GNG7: variants seen among roughly 807,000 people sequenced by gnomAD.
GNG7 encodes the protein guanine nucleotide-binding protein G(I)/G(S)/G(O) subunit gamma-7.
A neutral mutation model predicts 4.0 loss-of-function variants in GNG7; 1 was observed. The ratio of observed to expected loss-of-function variants is 0.25; its 90% CI spans 0.09 to 1.18. The LOEUF is 1.18. GNG7 is among the 50% of genes most tolerant of loss of function. The pLI is 0.50. For missense variants in GNG7, 86 were observed against 91.9 expected, an observed-to-expected ratio of 0.94 and a Z score of 0.26; for synonymous variants, 34 against 36.9, an observed-to-expected ratio of 0.92 and a Z score of 0.29.
intron 2 of GNG7, among the ~76,000 whole-genome samples, chr19:2,592,696 C>T (rs1029699607): frequency 8.4e-5 from 12 of 142,804 alleles, no homozygotes; most frequent in African/African-American, 2.3e-4. Context: ...ATGATTGCAT[C>T]GTTTCACTCC....
intron 2 of GNG7, among the ~76,000 whole-genome samples, chr19:2,565,185 C>A (rs1472071562): frequency 6.6e-6 from 1 of 152,134 alleles, no homozygotes; most frequent in African/African-American, 2.4e-5. Flanking sequence ...ACACGTGCAA[C>A]CCTCACACAA....
intron 1 of GNG7, among the ~76,000 whole-genome samples, chr19:2,650,645 G>A: frequency 6.6e-6 from 1 of 152,196 alleles, no homozygotes; most frequent in East Asian, 1.9e-4. Flanking sequence ...CGGCCTCAGA[G>A]CAGCTTGGGT....
At chr19:2,565,801 CA>C (rs558747537) in intron 2 of GNG7, among the ~76,000 whole-genome samples, 62 of 152,174 alleles carry the variant, frequency 4.1e-4, no homozygotes, top group Non-Finnish European at 8.1e-4. Flanking sequence ...GAAGCGTCTG[CA>C]GAGTGTAATG....
intron 1 of GNG7, among the ~76,000 whole-genome samples, chr19:2,680,435 C>G (rs1269984375): frequency 6.6e-6 from 1 of 152,078 alleles, no homozygotes; most frequent in Non-Finnish European, 1.5e-5. Flanking sequence ...CAGGCATGAG[C>G]CACCTTGCCC....
At chr19:2,560,030 G>C (rs1445605981) in intron 2 of GNG7, among the ~76,000 whole-genome samples, 1 of 152,112 alleles carries the variant, frequency 6.6e-6, no homozygotes, top group Admixed American at 6.6e-5. Context: ...TCGCTAGACA[G>C]TAATGAGGGC....
chr19:2,642,821 A>G (rs1982544689), intron 2 of GNG7: 1 of 456,632 alleles, frequency 2.2e-6, no homozygotes, highest in African/African-American at 2.0e-5. Context: ...GAAGCCCAAC[A>G]CCAAACCTGT....
intron 2 of GNG7, among the ~76,000 whole-genome samples, chr19:2,568,731 CAT>C (rs917915801): frequency 1.2e-4 from 9 of 74,494 alleles, no homozygotes; most frequent in Admixed American, 7.3e-4. Flanking sequence ...CATACAGACA[CAT>C]ATACATACAT....
At position 2,626,192 on chromosome 19, in the gene GNG7, C is replaced by G. The variant is rs1325350555; in HGVS notation, c.-78+20032G>C. 1.3e-5 allele frequency among the ~76,000 whole-genome samples: 2 copies of G among 152,160 alleles called. No individual in the cohort carries two copies. The highest frequency in any genetic ancestry group is 4.8e-5 in the African/African-American group (2 of 41,440). ...AGAGTGACCGCGGGTGCCCACCTGA[C>G]CCCGTGTCTCCAGCGGGAACGTGAA... On this transcript the variant is annotated intron_variant, in intron 2 of 4. Coordinates refer to ENST00000382159, the MANE Select transcript of GNG7 (RefSeq NM_052847.3). The surrounding 1 kb of genome is among the most constrained non-coding windows in gnomAD (Gnocchi z 5.0).
At chr19:2,651,723 G>A (rs550880029) in intron 1 of GNG7, among the ~76,000 whole-genome samples, 67 of 151,044 alleles carry the variant, frequency 4.4e-4, no homozygotes, top group African/African-American at 1.5e-3. Flanking sequence ...CCATCACCAC[G>A]CCCAGCTAAT....
intron 1 of GNG7, among the ~76,000 whole-genome samples, chr19:2,659,750 TGGAG>T (rs1185318404): frequency 1.2e-5 from 1 of 80,280 alleles, no homozygotes; most frequent in African/African-American, 5.1e-5. Flanking sequence ...GAGGGAGGGA[TGGAG>T]GAAGGAAGGA....
rs146241150 is a variant in GNG7 at position 2,619,699 on chromosome 19, C to T, written c.-78+26525G>A. On this transcript the variant is annotated intron_variant, in intron 2 of 4. Transcript: ENST00000382159. The stretch of plus-strand genomic sequence containing the variant: ...CACGCAGTGTGTGATCCCATTTCTA[C>T]GAAATGTCCAGGACAGGCCCATCCA... Among the ~76,000 whole-genome samples, 726 of 152,132 alleles carry T rather than the reference C, an allele frequency of 4.8e-3. 15 individuals are homozygous for T. Among genetic ancestry groups the T allele is most frequent in the Admixed American group, 0.043 (656 of 15,268 alleles).
intron 1 of GNG7, among the ~76,000 whole-genome samples, chr19:2,647,222 G>A (rs1297748978): frequency 6.7e-6 from 1 of 148,982 alleles, no homozygotes; most frequent in African/African-American, 2.6e-5. Flanking sequence ...GCATGGGTCA[G>A]GCAGCAGGGG....
chr19:2,625,387 A>T (rs1373012641), intron 2 of GNG7, among the ~76,000 whole-genome samples: 1 of 151,770 alleles, frequency 6.6e-6, no homozygotes, highest in Non-Finnish European at 1.5e-5. Flanking sequence ...TTTTATTTTT[A>T]TTTTTTGCAG....
At chr19:2,539,672 G>A (rs184423156) in intron 3 of GNG7, among the ~76,000 whole-genome samples, 11 of 152,176 alleles carry the variant, frequency 7.2e-5, no homozygotes, top group Non-Finnish European at 2.9e-5. Flanking sequence ...CGGTCCCAGT[G>A]GAGCCCTGAA....
intron 1 of GNG7, among the ~76,000 whole-genome samples, chr19:2,647,678 A>G (rs985114517): frequency 6.6e-6 from 1 of 152,100 alleles, no homozygotes; most frequent in African/African-American, 2.4e-5. Context: ...GGATTGCACC[A>G]CTGCACTCCA....
intron 2 of GNG7, among the ~76,000 whole-genome samples, chr19:2,565,511 C>CAAAAA (rs147226705): frequency 6.1e-4 from 71 of 116,552 alleles, no homozygotes; most frequent in African/African-American, 1.9e-3. Context: ...GACTCTGTCT[C>CAAAAA]AAAAAAAAAA....
intron 1 of GNG7, among the ~76,000 whole-genome samples, chr19:2,661,334 A>AAG (rs1491171494): frequency 2.7e-5 from 4 of 148,192 alleles, no homozygotes; most frequent in Admixed American, 2.0e-4. Context: ...GAAAGAAAGA[A>AAG]AGAAAGAAAG....
intron 3 of GNG7, among the ~76,000 whole-genome samples, chr19:2,523,642 G>A (rs530976089): frequency 2.8e-4 from 43 of 152,086 alleles, no homozygotes; most frequent in Non-Finnish European, 5.4e-4. Context: ...ACACACCAGC[G>A]GGCACAATAC....
chr19:2,613,596 CAG>C (rs1314316464), intron 2 of GNG7, among the ~76,000 whole-genome samples: 2 of 152,086 alleles, frequency 1.3e-5, no homozygotes, highest in Non-Finnish European at 2.9e-5. Flanking sequence ...TCACGGAATG[CAG>C]AGTCTCTTGG....
Sources: gnomAD v4.1 joint callset for allele counts (sites outside exome capture counted in the v4.1 genomes callset) on GRCh38, gnomAD v4.1.1 for gene constraint, Gnocchi (gnomAD v3.1) non-coding constraint, MANE v1.5 for transcripts, NCBI Gene and HGNC (gene_info 2026-07-23, HGNC 2026-07-21) for gene names.